Variants in LRRC4C observed in about 807,000 individuals in gnomAD.
LRRC4C encodes leucine rich repeat containing 4C, also known as leucine-rich repeat-containing protein 4C.
In LRRC4C, 5 loss-of-function variants were observed where a neutral mutation model predicts 33.6. That is an observed-to-expected ratio of 0.15 (90% CI 0.08 to 0.31). The LOEUF is 0.31. LRRC4C is among the 10% of genes least tolerant of loss of function. The pLI, the probability that LRRC4C is intolerant of heterozygous loss-of-function variation, is 1.00. For synonymous variants in LRRC4C, 329 were observed against 302.0 expected (o/e 1.09, Z -0.93); for missense variants, 560 against 796.7 (o/e 0.70, Z 3.58).
intron 6 of LRRC4C, among the ~76,000 whole-genome samples, chr11:40,129,865 C>A (rs560528657): frequency 6.6e-6 from 1 of 152,256 alleles, no homozygotes; most frequent in South Asian, 2.1e-4. Context: ...AAATCTACTT[C>A]ATGCTAAAAA....
intron 1 of LRRC4C, among the ~76,000 whole-genome samples, chr11:41,272,706 TCTCCA>T (rs1401179263): frequency 6.6e-6 from 1 of 152,184 alleles, no homozygotes; most frequent in African/African-American, 2.4e-5. Context: ...ATAAATGCTT[TCTCCA>T]GTCCTTATCT....
intron 3 of LRRC4C, among the ~76,000 whole-genome samples, chr11:40,320,502 T>C (rs940004566): frequency 6.6e-6 from 1 of 152,032 alleles, no homozygotes; most frequent in South Asian, 2.1e-4. Flanking sequence ...TGAGACTCTG[T>C]CTCAAAAATA....
At chr11:40,852,920 A>G (rs543787760) in intron 2 of LRRC4C, among the ~76,000 whole-genome samples, 3 of 152,360 alleles carry the variant, frequency 2.0e-5, no homozygotes, top group South Asian at 2.1e-4. Context: ...AAGACCAAAT[A>G]TAGATGTCTT....
chr11:40,189,644 C>A (rs1048294274), intron 5 of LRRC4C, among the ~76,000 whole-genome samples: 1 of 152,092 alleles, frequency 6.6e-6, no homozygotes, highest in Non-Finnish European at 1.5e-5. Flanking sequence ...GCTAAAAGAT[C>A]AAACCATAAC....
intron 1 of LRRC4C, among the ~76,000 whole-genome samples, chr11:40,983,394 T>A (rs1852681323): frequency 6.6e-6 from 1 of 152,058 alleles, no homozygotes; most frequent in African/African-American, 2.4e-5. Context: ...AAATGTAAAA[T>A]CCAAACCTAT....
At chr11:41,350,382 C>A (rs888941309) in intron 1 of LRRC4C, among the ~76,000 whole-genome samples, 1 of 150,984 alleles carries the variant, frequency 6.6e-6, no homozygotes, top group African/African-American at 2.4e-5. Flanking sequence ...TTGTGGCGGG[C>A]GCCTGTAGTC....
intron 5 of LRRC4C, among the ~76,000 whole-genome samples, chr11:40,226,628 G>A (rs1285501968): frequency 6.6e-6 from 1 of 152,104 alleles, no homozygotes; most frequent in Non-Finnish European, 1.5e-5. Context: ...CAATAGTGAG[G>A]CCATCTTACA....
At chr11:41,443,878 C>T (rs1955735785) in intron 1 of LRRC4C, among the ~76,000 whole-genome samples, 1 of 151,696 alleles carries the variant, frequency 6.6e-6, no homozygotes, top group Admixed American at 6.6e-5. Flanking sequence ...CCGCCTCAGC[C>T]TCCCAAAGTA....
chr11:41,457,452 C>T (rs115175848), intron 1 of LRRC4C, among the ~76,000 whole-genome samples: 1,598 of 152,216 alleles, frequency 0.01, 24 homozygotes, highest in African/African-American at 0.035. Context: ...CCTGCCATGA[C>T]CCATTGGCAC....
chr11:40,621,503 GTTATAAAAATCTGT>G (rs1309951168), intron 3 of LRRC4C, among the ~76,000 whole-genome samples: 1 of 150,654 alleles, frequency 6.6e-6, no homozygotes, highest in East Asian at 2.0e-4. Flanking sequence ...ACCCTATACT[GTTATAAAAATCTGT>G]TTAGAATCAT....
chr11:40,446,083 G>A (rs924081483), intron 3 of LRRC4C: 1 of 152,046 alleles, frequency 6.6e-6, no homozygotes, highest in Admixed American at 6.6e-5. Context: ...TATCTCTTGG[G>A]ACATGAGAGC....
chr11:41,052,010 T>G (rs1381540475), intron 1 of LRRC4C, among the ~76,000 whole-genome samples: 1 of 152,172 alleles, frequency 6.6e-6, no homozygotes, highest in Non-Finnish European at 1.5e-5. Context: ...CACTCAATGT[T>G]CTGATCTCTA....
At chr11:40,878,784 T>C (rs1178643328) in intron 2 of LRRC4C, among the ~76,000 whole-genome samples, 1 of 152,240 alleles carries the variant, frequency 6.6e-6, no homozygotes, top group Non-Finnish European at 1.5e-5. Flanking sequence ...CTGTGTGGTG[T>C]CTCTGCCTTT....
intron 1 of LRRC4C, among the ~76,000 whole-genome samples, chr11:41,437,547 T>G (rs1955473569): frequency 6.6e-6 from 1 of 152,224 alleles, no homozygotes. Flanking sequence ...AGCTTTTTTG[T>G]ACACTCATCC....
intron 5 of LRRC4C, among the ~76,000 whole-genome samples, chr11:40,170,663 C>CT (rs1859971554): frequency 6.6e-6 from 1 of 152,142 alleles, no homozygotes; most frequent in African/African-American, 2.4e-5. Flanking sequence ...ATTGTAAAAT[C>CT]TTTTTGTAGC....
intron 2 of LRRC4C, among the ~76,000 whole-genome samples, chr11:40,787,677 A>AT: frequency 6.6e-6 from 1 of 152,326 alleles, no homozygotes; most frequent in Non-Finnish European, 1.5e-5. Context: ...TTTAGAAGTT[A>AT]TTTTGGCAAT....
intron 3 of LRRC4C, among the ~76,000 whole-genome samples, chr11:40,380,048 C>G (rs776132871): frequency 6.6e-6 from 1 of 152,132 alleles, no homozygotes; most frequent in African/African-American, 2.4e-5. Context: ...ACTATTAAGA[C>G]AGTAATTGTG....
At chr11:40,507,115 T>G in intron 3 of LRRC4C, among the ~76,000 whole-genome samples, 1 of 152,112 alleles carries the variant, frequency 6.6e-6, no homozygotes, top group East Asian at 1.9e-4. Context: ...AGGGATTGCC[T>G]TCATAGGCAT....
intron 3 of LRRC4C, among the ~76,000 whole-genome samples, chr11:40,638,770 GTTT>G (rs34192633): frequency 9.7e-4 from 135 of 138,850 alleles, no homozygotes; most frequent in African/African-American, 3.5e-3. Context: ...AATTGGTCGA[GTTT>G]TTTTTTTTTT....
Sources: allele counts gnomAD v4.1 joint callset (sites outside exome capture counted in the v4.1 genomes callset), GRCh38; gene constraint gnomAD v4.1.1; transcripts MANE v1.5; gene names NCBI Gene and HGNC (gene_info 2026-07-23, HGNC 2026-07-21).